Variants in GPC6 observed in about 807,000 individuals in gnomAD.
The protein encoded by GPC6 is glypican 6.
Under a neutral mutation model 55.2 loss-of-function variants are expected in GPC6, and 14 were observed. The observed-to-expected ratio is 0.25, with a 90% confidence interval of 0.17 to 0.40. GPC6 has a LOEUF of 0.40. Ranked by LOEUF, GPC6 falls within the 10% of genes least tolerant of loss-of-function variation. The pLI is 1.00. For missense variants in GPC6, 641 were observed against 708.5 expected (o/e 0.90, Z 1.08); for synonymous variants, 278 against 259.6 (o/e 1.07, Z -0.68).
intron 1 of GPC6, among the ~76,000 whole-genome samples, chr13:93,439,595 G>A (rs565305647): frequency 2.0e-5 from 3 of 151,772 alleles, no homozygotes; most frequent in Non-Finnish European, 4.4e-5. Flanking sequence ...CCGGGAGGTG[G>A]ACATTGCAGT....
chr13:93,899,232 A>G (rs1030001722), intron 3 of GPC6, among the ~76,000 whole-genome samples: 1 of 151,952 alleles, frequency 6.6e-6, no homozygotes, highest in Non-Finnish European at 1.5e-5. Context: ...AAAGCACTTC[A>G]TAGGATCCCT....
intron 3 of GPC6, among the ~76,000 whole-genome samples, chr13:93,976,728 T>C (rs1199310953): frequency 1.3e-5 from 2 of 151,736 alleles, no homozygotes; most frequent in African/African-American, 4.8e-5. Flanking sequence ...GAGCAGCTGA[T>C]TCTCATTGGC....
intron 1 of GPC6, among the ~76,000 whole-genome samples, chr13:93,466,947 A>AAGTAT (rs1436895413): frequency 6.6e-6 from 1 of 152,230 alleles, no homozygotes; most frequent in African/African-American, 2.4e-5. Flanking sequence ...GCTTGAGAAC[A>AAGTAT]AGTATTATCC....
chr13:93,736,873 A>G (rs781688738), intron 2 of GPC6, among the ~76,000 whole-genome samples: 9 of 152,196 alleles, frequency 5.9e-5, no homozygotes, highest in South Asian at 4.1e-4. Context: ...CTCTGATACT[A>G]TTGAGTCCAA....
intron 2 of GPC6, among the ~76,000 whole-genome samples, chr13:93,703,985 T>C (rs942016226): frequency 1.3e-5 from 2 of 152,026 alleles, no homozygotes; most frequent in African/African-American, 4.8e-5. Context: ...AAACTATCCA[T>C]GAATTGTCAA....
chr13:93,694,440 C>T (rs1434559390), intron 2 of GPC6, among the ~76,000 whole-genome samples: 1 of 152,110 alleles, frequency 6.6e-6, no homozygotes, highest in Non-Finnish European at 1.5e-5. Context: ...TCATCTCTTT[C>T]CACAAAAACA....
At chr13:93,371,095 G>A (rs2139191350) in intron 1 of GPC6, among the ~76,000 whole-genome samples, 1 of 152,260 alleles carries the variant, frequency 6.6e-6, no homozygotes, top group East Asian at 1.9e-4. Context: ...TGTGACAGAT[G>A]TTGTATTCTG....
intron 1 of GPC6, among the ~76,000 whole-genome samples, chr13:93,496,230 G>A (rs923405638): frequency 1.3e-5 from 2 of 152,282 alleles, no homozygotes; most frequent in Non-Finnish European, 2.9e-5. Flanking sequence ...CTCGTGGTGC[G>A]CCGTTTTTTA....
chr13:93,538,461 G>A (rs1311023076), intron 1 of GPC6, among the ~76,000 whole-genome samples: 1 of 152,148 alleles, frequency 6.6e-6, no homozygotes, highest in Non-Finnish European at 1.5e-5. Context: ...AGTATGGAGA[G>A]AGAAAGTGAA....
At chr13:94,334,466 A>G (rs1566687351) in intron 6 of GPC6, among the ~76,000 whole-genome samples, 1 of 152,256 alleles carries the variant, frequency 6.6e-6, no homozygotes, top group African/African-American at 2.4e-5. Flanking sequence ...AAAGCATGCC[A>G]TGAAATTCTA....
intron 3 of GPC6, among the ~76,000 whole-genome samples, chr13:93,932,380 C>T (rs909076895): frequency 1.3e-5 from 2 of 152,090 alleles, no homozygotes; most frequent in Non-Finnish European, 2.9e-5. Context: ...CTCCAAGAAT[C>T]GCTATTCTAG....
intron 4 of GPC6, among the ~76,000 whole-genome samples, chr13:94,193,720 T>C (rs1889473037): frequency 1.3e-5 from 2 of 152,290 alleles, no homozygotes; most frequent in Admixed American, 6.5e-5. Flanking sequence ...GATAAAGACA[T>C]TGAAATGCAT....
At chr13:93,691,850 T>G (rs544999979) in intron 2 of GPC6, among the ~76,000 whole-genome samples, 7 of 152,158 alleles carry the variant, frequency 4.6e-5, no homozygotes, top group African/African-American at 1.7e-4. Flanking sequence ...AAAAATCATG[T>G]TTTAGTGAGC....
chr13:93,822,829 TTTATTATTA>T (rs530559267), intron 2 of GPC6, among the ~76,000 whole-genome samples: 1,507 of 148,482 alleles, frequency 0.01, 22 homozygotes, highest in African/African-American at 0.036. Flanking sequence ...CCACATTTTC[TTTATTATTA>T]TTATTATTAT....
At chr13:94,136,182 G>A (rs1887176719) in intron 4 of GPC6, among the ~76,000 whole-genome samples, 1 of 144,018 alleles carries the variant, frequency 6.9e-6, no homozygotes, top group Admixed American at 7.1e-5. Flanking sequence ...AATAAGTTTA[G>A]CATCTTTTTT....
At chr13:93,544,770 A>G (rs1874686705) in intron 1 of GPC6, among the ~76,000 whole-genome samples, 1 of 152,182 alleles carries the variant, frequency 6.6e-6, no homozygotes, top group African/African-American at 2.4e-5. Context: ...CCTACCATTA[A>G]AAACACACTC....
intron 2 of GPC6, among the ~76,000 whole-genome samples, chr13:93,825,860 C>CTTTTTTTTTTTTTTTTTTTTTTATTTTT (rs1029574657): frequency 1.6e-5 from 2 of 124,184 alleles, no homozygotes; most frequent in African/African-American, 3.0e-5. Context: ...TTATTATTTT[C>CTTTTTTTTTTTTTTTTTTTTTTATTTTT]TTTTTTTTTT....
At chr13:93,503,621 A>G (rs1436388369) in intron 1 of GPC6, among the ~76,000 whole-genome samples, 1 of 152,036 alleles carries the variant, frequency 6.6e-6, no homozygotes, top group Non-Finnish European at 1.5e-5. Flanking sequence ...TGGATATTCC[A>G]TTTGTGTGTA....
intron 1 of GPC6, among the ~76,000 whole-genome samples, chr13:93,329,873 T>TGCA (rs1428016676): frequency 6.6e-6 from 1 of 152,026 alleles, no homozygotes; most frequent in African/African-American, 2.4e-5. Context: ...AAAGGATTAA[T>TGCA]AACATTTAAA....
Sources: allele counts gnomAD v4.1 joint callset (sites outside exome capture counted in the v4.1 genomes callset), GRCh38; gene constraint gnomAD v4.1.1; transcripts MANE v1.5; gene names NCBI Gene and HGNC (gene_info 2026-07-23, HGNC 2026-07-21).